The following PSD3 variants were observed in gnomAD, a reference collection of about 807,000 sequenced individuals.
PSD3 encodes the protein pleckstrin and Sec7 domain containing 3, also known as PH and SEC7 domain-containing protein 3.
Under a neutral mutation model 105.5 loss-of-function variants are expected in PSD3, and 49 were observed. That is an observed-to-expected ratio of 0.46 (90% CI 0.37 to 0.59). The LOEUF is 0.59. Among genes scored for constraint, PSD3 ranks in the 20% least tolerant of loss-of-function variants. The pLI is 0.00. For missense variants in PSD3, 1,561 were observed against 1,263.8 expected (o/e 1.24, Z -3.57); for synonymous variants, 557 against 457.8 (o/e 1.22, Z -2.77).
intron 9 of PSD3, among the ~76,000 whole-genome samples, chr8:18,763,489 A>G (rs1240934773): frequency 6.6e-6 from 1 of 152,160 alleles, no homozygotes; most frequent in African/African-American, 2.4e-5. Context: ...GAATTCAAGT[A>G]TATACTCCAC....
At position 18,865,272 on chromosome 8, in the gene PSD3, ATATATATATATATATTTTTTTT is replaced by A. The variant is rs1816822156; in HGVS notation, c.1634+2380_1634+2401del. The A allele has an allele frequency of 1.4e-3, 3 of 2,186 alleles. 1 individual carries two copies. Among genetic ancestry groups the A allele is most frequent in the African/African-American group, 5.0e-3 (3 of 602 alleles). 0.1% of individuals were successfully genotyped at this position (2,186 alleles called of 1,614,324 possible). Reference sequence around the variant, plus strand: ...TATATATATATATATATATATATATATATATATATATATATTTTTTTTTTTTTTTTTTTTTTTAAAGGCTATC... The same window carrying A: ...TATATATATATATATATATATATATATTTTTTTTTTTTTTTAAAGGCTATC... On this transcript the variant is annotated intron_variant, in intron 4 of 15. Transcript: ENST00000327040.
At chr8:18,572,948 A>G (rs1372863662) in intron 13 of PSD3, among the ~76,000 whole-genome samples, 1 of 152,134 alleles carries the variant, frequency 6.6e-6, no homozygotes, top group East Asian at 1.9e-4. Context: ...TTAAACCCCT[A>G]CTTTCTGTTT....
intron 2 of PSD3, among the ~76,000 whole-genome samples, chr8:18,901,161 T>A (rs1819478378): frequency 6.6e-6 from 1 of 152,214 alleles, no homozygotes; most frequent in Non-Finnish European, 1.5e-5. Context: ...GTCACAACTC[T>A]TGTTCATTTT....
At chr8:18,810,499 T>C (rs1586087420) in intron 4 of PSD3, among the ~76,000 whole-genome samples, 1 of 152,344 alleles carries the variant, frequency 6.6e-6, no homozygotes, top group East Asian at 1.9e-4. Flanking sequence ...CAGTATACTA[T>C]TGCCCGTTTC....
intron 9 of PSD3, among the ~76,000 whole-genome samples, chr8:18,723,208 G>T (rs888151457): frequency 6.6e-6 from 1 of 152,166 alleles, no homozygotes; most frequent in African/African-American, 2.4e-5. Context: ...ACATGTGGCT[G>T]CAGATGACAC....
chr8:18,810,514 A>C (rs375765342), intron 4 of PSD3, among the ~76,000 whole-genome samples: 1 of 152,194 alleles, frequency 6.6e-6, no homozygotes, highest in African/African-American at 2.4e-5. Context: ...CGTTTCATAC[A>C]GGCAATAGTA....
At chr8:18,742,284 C>A (rs1162656173) in intron 9 of PSD3, among the ~76,000 whole-genome samples, 1 of 152,002 alleles carries the variant, frequency 6.6e-6, no homozygotes, top group Non-Finnish European at 1.5e-5. Flanking sequence ...ACCAACCAAC[C>A]AAGCAACCAA....
intron 15 of PSD3, among the ~76,000 whole-genome samples, chr8:18,550,443 G>A (rs1032059723): frequency 1.3e-5 from 2 of 152,156 alleles, no homozygotes; most frequent in Non-Finnish European, 2.9e-5. Context: ...TCTAGCTTTT[G>A]ACTCATAATT....
intron 9 of PSD3, among the ~76,000 whole-genome samples, chr8:18,759,002 C>G (rs536037491): frequency 2.0e-5 from 3 of 151,962 alleles, no homozygotes; most frequent in Admixed American, 6.6e-5. Flanking sequence ...TTTTATCACT[C>G]CATTCATGGA....
chr8:18,622,141 C>T (rs962271134), intron 11 of PSD3, among the ~76,000 whole-genome samples: 1 of 152,100 alleles, frequency 6.6e-6, no homozygotes, highest in African/African-American at 2.4e-5. Flanking sequence ...GTTCTCACCT[C>T]CTTAAAAAGC....
intron 1 of PSD3, among the ~76,000 whole-genome samples, chr8:19,070,035 C>T (rs1212778396): frequency 6.6e-6 from 1 of 151,530 alleles, no homozygotes; most frequent in Non-Finnish European, 1.5e-5. Context: ...ACCTCCGCCT[C>T]CAGAGTTTAG....
intron 1 of PSD3, among the ~76,000 whole-genome samples, chr8:18,966,306 A>C (rs748967979): frequency 6.6e-6 from 1 of 152,190 alleles, no homozygotes; most frequent in African/African-American, 2.4e-5. Flanking sequence ...GCGGTGGCTC[A>C]GGCCTGTAAT....
chr8:18,557,740 C>T lies in PSD3; in HGVS notation c.2785-1388G>A, dbSNP rs535371787. On this transcript the variant is annotated intron_variant, in intron 14 of 15. Coordinates refer to ENST00000327040, the MANE Select transcript of PSD3 (RefSeq NM_015310.4). Reference sequence around the variant, plus strand: ...AACCTATTTTGAGATTTTAGAAAGGCGTCTACATCTCCAAACCTATTATTT... The same window carrying T: ...AACCTATTTTGAGATTTTAGAAAGGTGTCTACATCTCCAAACCTATTATTT... Among the ~76,000 whole-genome samples, 21 of 152,256 alleles carry T rather than the reference C, an allele frequency of 1.4e-4. No homozygotes were observed. In the South Asian group the frequency reaches 4.1e-3, roughly 30 times the overall value.
chr8:18,823,780 TCACACACA>T (rs3042864), intron 4 of PSD3, among the ~76,000 whole-genome samples: 1 of 66,100 alleles, frequency 1.5e-5, no homozygotes, highest in Non-Finnish European at 2.8e-5. Context: ...TTAAACACAC[TCACACACA>T]CACACACACA....
intron 1 of PSD3, among the ~76,000 whole-genome samples, chr8:18,962,150 G>A (rs1823966279): frequency 6.6e-6 from 1 of 152,036 alleles, no homozygotes; most frequent in South Asian, 2.1e-4. Flanking sequence ...GGAGGCTGAG[G>A]CAGGAGAATC....
At chr8:18,567,591 A>G (rs1801872679) in intron 14 of PSD3, among the ~76,000 whole-genome samples, 1 of 152,214 alleles carries the variant, frequency 6.6e-6, no homozygotes, top group Non-Finnish European at 1.5e-5. Flanking sequence ...AGCATTCAAT[A>G]TATGTTAATG....
chr8:19,056,698 C>G (rs558313390), intron 1 of PSD3, among the ~76,000 whole-genome samples: 1 of 152,288 alleles, frequency 6.6e-6, no homozygotes, highest in East Asian at 1.9e-4. Flanking sequence ...CATTGGGAAG[C>G]TAAGTGAACC....
At chr8:18,978,795 C>T (rs914143212) in intron 1 of PSD3, among the ~76,000 whole-genome samples, 2 of 152,094 alleles carry the variant, frequency 1.3e-5, no homozygotes, top group African/African-American at 4.8e-5. Flanking sequence ...TCTTCTCTGT[C>T]TCTCAATCCC....
At chr8:18,665,740 A>G (rs990228003) in intron 9 of PSD3, among the ~76,000 whole-genome samples, 6 of 152,292 alleles carry the variant, frequency 3.9e-5, no homozygotes, top group Admixed American at 1.3e-4. Flanking sequence ...GGTCTCAGCT[A>G]TTTGAGAGGC....
Sources: allele counts gnomAD v4.1 joint callset (sites outside exome capture counted in the v4.1 genomes callset), GRCh38; gene constraint gnomAD v4.1.1; transcripts MANE v1.5; gene names NCBI Gene and HGNC (gene_info 2026-07-23, HGNC 2026-07-21).